GPC6: variants seen among roughly 807,000 people sequenced by gnomAD.
GPC6 encodes glypican 6, also known as glypican-6.
GPC6 carries 14 observed loss-of-function variants against 55.2 expected under a neutral mutation model. That is an observed-to-expected ratio of 0.25 (90% CI 0.17 to 0.40). The LOEUF (loss-of-function observed/expected upper bound fraction) is 0.40, where lower values mean the gene tolerates loss of function less well. GPC6 is among the 10% of genes least tolerant of loss of function. The pLI is 1.00. For missense variants in GPC6, 641 were observed against 708.5 expected, an observed-to-expected ratio of 0.90 and a Z score of 1.08; for synonymous variants, 278 against 259.6, an observed-to-expected ratio of 1.07 and a Z score of -0.68.
chr13:93,855,466 A>G (rs900587753), intron 3 of GPC6, among the ~76,000 whole-genome samples: 1 of 151,798 alleles, frequency 6.6e-6, no homozygotes, highest in Middle Eastern at 3.4e-3. Context: ...AGTTTTGGCA[A>G]TTATGAATAA....
At chr13:93,363,010 A>C (rs150207120) in intron 1 of GPC6, among the ~76,000 whole-genome samples, 1 of 151,898 alleles carries the variant, frequency 6.6e-6, no homozygotes, top group Non-Finnish European at 1.5e-5. Flanking sequence ...ATGAACGACT[A>C]TTTTTTAAAT....
At chr13:94,351,249 T>C (rs1878525651) in intron 6 of GPC6, among the ~76,000 whole-genome samples, 1 of 151,730 alleles carries the variant, frequency 6.6e-6, no homozygotes, top group South Asian at 2.1e-4. Flanking sequence ...GGTGGCAATT[T>C]TTCCCCAAGC....
intron 1 of GPC6, among the ~76,000 whole-genome samples, chr13:93,340,527 C>G (rs1880217872): frequency 6.6e-6 from 1 of 152,060 alleles, no homozygotes. Flanking sequence ...GAGTACTGTG[C>G]TAAAGATCCG....
At chr13:93,845,002 A>T (rs1025597672) in intron 3 of GPC6, among the ~76,000 whole-genome samples, 2 of 151,958 alleles carry the variant, frequency 1.3e-5, no homozygotes, top group East Asian at 1.9e-4. Context: ...CCATTGATCT[A>T]TATCTCTGTT....
intron 2 of GPC6, among the ~76,000 whole-genome samples, chr13:93,558,652 A>G (rs1328544970): frequency 1.3e-5 from 2 of 152,192 alleles, no homozygotes; most frequent in African/African-American, 4.8e-5. Flanking sequence ...GTAGAAAATT[A>G]AGTCTATTCT....
chr13:93,486,222 G>T (rs897385296), intron 1 of GPC6, among the ~76,000 whole-genome samples: 1 of 152,166 alleles, frequency 6.6e-6, no homozygotes, highest in African/African-American at 2.4e-5. Flanking sequence ...CAGTTGGGTA[G>T]AACTGAACTC....
chr13:93,822,012 A>G (rs9301912), intron 2 of GPC6, among the ~76,000 whole-genome samples: 45,260 of 129,762 alleles, frequency 0.35, 6,898 homozygotes, highest in African/African-American at 0.4. Flanking sequence ...TGTTATATGT[A>G]TATACATATA....
upstream of GPC6, among the ~76,000 whole-genome samples, chr13:93,224,961 T>C (rs1875717968): frequency 6.6e-6 from 1 of 152,220 alleles, no homozygotes; most frequent in South Asian, 2.1e-4. Context: ...TTTATAAGTA[T>C]AGGGACGGTG....
chr13:93,757,027 A>T (rs1207835597), intron 2 of GPC6, among the ~76,000 whole-genome samples: 1 of 152,176 alleles, frequency 6.6e-6, no homozygotes, highest in East Asian at 1.9e-4. Flanking sequence ...CAAACCCTTT[A>T]TGACTCCCTT....
At chr13:94,393,936 T>C (rs1880782209) in intron 7 of GPC6, among the ~76,000 whole-genome samples, 1 of 152,256 alleles carries the variant, frequency 6.6e-6, no homozygotes, top group East Asian at 1.9e-4. Context: ...TGTTGAATGT[T>C]GAGAATAGCG....
chr13:93,830,478 T>G lies in GPC6; in HGVS notation c.644T>G (p.Phe215Cys). 2 of 1,613,930 alleles carry G rather than the reference T, an allele frequency of 1.2e-6. No individual in the cohort carries two copies. Among genetic ancestry groups the G allele is most frequent in the Non-Finnish European group, 1.7e-6 (2 of 1,179,908 alleles). ...RKLKIQVTRAFIAARTFVQGL... is the reference protein window; with the variant it reads ...RKLKIQVTRACIAARTFVQGL... ...CTGAAGATTCAGGTTACCCGCGCCT[T>G]CATTGCTGCCAGGACCTTTGTCCAG... The change falls in exon 3 of 9, where the codon TTC becomes TGC. Residue 215 changes from phenylalanine to cysteine, a missense_variant. Phe to Cys is a radical substitution (Grantham distance 205). Coordinates refer to ENST00000377047, the MANE Select transcript of GPC6 (RefSeq NM_005708.5).
At chr13:93,757,128 G>A (rs1884798371) in intron 2 of GPC6, among the ~76,000 whole-genome samples, 1 of 152,160 alleles carries the variant, frequency 6.6e-6, no homozygotes, top group Admixed American at 6.5e-5. Flanking sequence ...TGGAAATTAA[G>A]GCTTTTGGAC....
At chr13:94,146,950 G>A (rs1196848206) in intron 4 of GPC6, among the ~76,000 whole-genome samples, 2 of 152,012 alleles carry the variant, frequency 1.3e-5, no homozygotes, top group African/African-American at 4.8e-5. Flanking sequence ...ATACTGCAAG[G>A]GAATTTTTCA....
At chr13:93,362,529 T>C (rs768125503) in intron 1 of GPC6, among the ~76,000 whole-genome samples, 13 of 152,176 alleles carry the variant, frequency 8.5e-5, no homozygotes, top group Admixed American at 2.0e-4. Context: ...AAATATTGTC[T>C]TAGTGACTTT....
chr13:93,566,780 G>A (rs7333598), intron 2 of GPC6, among the ~76,000 whole-genome samples: 86,055 of 151,588 alleles, frequency 0.57, 26,448 homozygotes, highest in Non-Finnish European at 0.69. Flanking sequence ...TGTTCTCATT[G>A]TTCAACTCCC....
At chr13:94,261,496 A>T (rs1891657409) in intron 4 of GPC6, among the ~76,000 whole-genome samples, 1 of 152,242 alleles carries the variant, frequency 6.6e-6, no homozygotes, top group African/African-American at 2.4e-5. Context: ...TTTAGTGTTT[A>T]CGTGTGAGGT....
At chr13:94,309,725 C>G (rs1462305713) in intron 6 of GPC6, among the ~76,000 whole-genome samples, 1 of 152,176 alleles carries the variant, frequency 6.6e-6, no homozygotes, top group Non-Finnish European at 1.5e-5. Flanking sequence ...CTGAGTCTAT[C>G]GCAGTCCCTA....
At chr13:94,068,035 G>A (rs1055169945) in intron 4 of GPC6, among the ~76,000 whole-genome samples, 1 of 152,152 alleles carries the variant, frequency 6.6e-6, no homozygotes, top group African/African-American at 2.4e-5. Context: ...ATAAGGTGCT[G>A]TTATTTTTTG....
At chr13:94,182,409 T>C (rs1036746660) in intron 4 of GPC6, among the ~76,000 whole-genome samples, 7 of 152,174 alleles carry the variant, frequency 4.6e-5, no homozygotes, top group African/African-American at 1.4e-4. Flanking sequence ...ACATGGACTT[T>C]GTTCCTGAGT....
Sources: gnomAD v4.1 joint callset for allele counts (sites outside exome capture counted in the v4.1 genomes callset) on GRCh38, gnomAD v4.1.1 for gene constraint, MANE v1.5 for transcripts, NCBI Gene and HGNC (gene_info 2026-07-23, HGNC 2026-07-21) for gene names.